PTCHD1: variants seen among roughly 807,000 people sequenced by gnomAD.
The protein encoded by PTCHD1 is patched domain-containing protein 1.
Under a neutral mutation model 34.6 loss-of-function variants are expected in PTCHD1, and 3 were observed. That is an observed-to-expected ratio of 0.09 (90% CI 0.04 to 0.22). The LOEUF (loss-of-function observed/expected upper bound fraction) is 0.22. Among genes scored for constraint, PTCHD1 ranks in the 10% least tolerant of loss-of-function variants. The pLI is 1.00. For synonymous variants in PTCHD1, 305 were observed against 283.1 expected (o/e 1.08, Z -0.77); for missense variants, 504 against 685.5 (o/e 0.74, Z 2.96).
At chrX:23,362,232 T>A (rs1439484470) in intron 1 of PTCHD1, among the ~76,000 whole-genome samples, 1 of 112,355 alleles carries the variant, frequency 8.9e-6, no homozygotes, top group Non-Finnish European at 1.9e-5. Flanking sequence ...CTGGATAATA[T>A]CCTGAAGAGT....
intron 2 of PTCHD1, among the ~76,000 whole-genome samples, chrX:23,381,052 T>A (rs1922551950): frequency 8.9e-6 from 1 of 112,364 alleles, no homozygotes; most frequent in African/African-American, 3.2e-5. Flanking sequence ...AGAGTGGATG[T>A]GAGCATCACA....
At chrX:23,334,510 C>G (rs1456616218), upstream of PTCHD1, 2 of 108,952 alleles carry the variant, frequency 1.8e-5, no homozygotes, top group East Asian at 6.0e-4. Context: ...GCCCCGCCCG[C>G]GCTGAGAGGG....
intron 1 of PTCHD1, among the ~76,000 whole-genome samples, chrX:23,336,937 T>G (rs1210510923): frequency 9.0e-6 from 1 of 111,342 alleles, no homozygotes; most frequent in Non-Finnish European, 1.9e-5. Flanking sequence ...ATTTCTCTTT[T>G]TGTGTTTTTT....
At chrX:23,384,403 C>T (rs1416509373) in intron 2 of PTCHD1, among the ~76,000 whole-genome samples, 1 of 111,729 alleles carries the variant, frequency 9.0e-6, no homozygotes, top group Non-Finnish European at 1.9e-5. Context: ...GATTCAAGGA[C>T]GTGAAAGGAA....
Position 23,395,477 on chromosome X carries a change from T to A in PTCHD1, c.*1292T>A, listed in dbSNP as rs985711838. 1 of 111,653 alleles carries A rather than the reference T, an allele frequency of 9.0e-6. No individual in the cohort carries two copies. The highest frequency in any genetic ancestry group is 3.3e-5 in the African/African-American group (1 of 30,661). The allele number at this position is 111,653 out of a possible 1,213,427, so 9.2% of individuals were successfully genotyped here. Reference sequence around the variant, plus strand: ...TATCAATGATGGCAGTCCAATTCTCTTGCTAAAGTGGCTGCACCTCACCTT... The same window carrying A: ...TATCAATGATGGCAGTCCAATTCTCATGCTAAAGTGGCTGCACCTCACCTT... On this transcript the variant is annotated 3_prime_UTR_variant, in exon 3 of 3. Transcript: ENST00000379361.
Position 23,355,619 on chromosome X carries a change from A to T in PTCHD1, c.351+20393A>T, listed in dbSNP as rs771018092. 4.4e-5 allele frequency among the ~76,000 whole-genome samples: 5 copies of T among 112,637 alleles called. No homozygotes were observed. In the South Asian group the frequency reaches 1.8e-3, roughly 41 times the overall value. ...GCTATGTTCCAGGTTCTTCTATTAC[A>T]TTATGTCTCAGCTTTCTATGAGCTA... On this transcript the variant is annotated intron_variant, in intron 1 of 2. Transcript: ENST00000379361.
chrX:23,381,190 C>T (rs1056779085), intron 2 of PTCHD1, among the ~76,000 whole-genome samples: 22 of 112,272 alleles, frequency 2.0e-4, no homozygotes, highest in Non-Finnish European at 3.4e-4. Context: ...ATGGTGACAG[C>T]GTGCTTCCAG....
At chrX:23,385,669 G>A (rs143506237) in intron 2 of PTCHD1, among the ~76,000 whole-genome samples, 163 of 111,720 alleles carry the variant, frequency 1.5e-3, no homozygotes, top group African/African-American at 5.3e-3. Context: ...AGGAAACCCT[G>A]CATTTCACCA....
chrX:23,363,641 C>T (rs1369100808), intron 1 of PTCHD1, among the ~76,000 whole-genome samples: 2 of 112,894 alleles, frequency 1.8e-5, no homozygotes, highest in African/African-American at 3.2e-5. Flanking sequence ...TGCTTCGGCT[C>T]ACCCTCTGTG....
In PTCHD1 at chrX:23,379,470, T is replaced by C. The variant is rs938697878; in HGVS notation, c.352-121T>C. On this transcript the variant is annotated intron_variant, in intron 1 of 2. Coordinates refer to ENST00000379361, the MANE Select transcript of PTCHD1 (RefSeq NM_173495.3). ...GTTTCACATTCCTACTACCTATTTC[T>C]GATCTAGGTTTATAACATTTGATTT... 6.8e-6 allele frequency: 5 copies of C among 736,876 alleles called. No homozygotes were observed. The African/African-American group carries it at 1.1e-4, about 16-fold the overall frequency. 60.7% of individuals were successfully genotyped at this position (736,876 alleles called of 1,213,427 possible).
intron 1 of PTCHD1, among the ~76,000 whole-genome samples, chrX:23,358,191 A>G (rs1921862914): frequency 8.9e-6 from 1 of 111,865 alleles, no homozygotes; most frequent in South Asian, 3.8e-4. Context: ...AGATCGCTGG[A>G]TCAAAAGGTA....
At chrX:23,363,060 T>A (rs1294093612) in intron 1 of PTCHD1, among the ~76,000 whole-genome samples, 2 of 112,128 alleles carry the variant, frequency 1.8e-5, no homozygotes. Flanking sequence ...GAGGTGTCAG[T>A]CAGCCCCCAC....
chrX:23,334,778 G>GCCGCCGCCGCCGCC (rs1569130225), upstream of PTCHD1: 1 of 246,753 alleles, frequency 4.1e-6, no homozygotes, highest in African/African-American at 3.3e-5. Flanking sequence ...CCGCCGCCGC[G>GCCGCCGCCGCCGCC]GGCGCCGCTG....
chrX:23,337,812 G>T (rs1159895601), intron 1 of PTCHD1, among the ~76,000 whole-genome samples: 4 of 110,655 alleles, frequency 3.6e-5, no homozygotes, highest in African/African-American at 1.3e-4. Context: ...GCTGTGTAGG[G>T]TGTTGCTTCA....
At chrX:23,351,001 G>T in intron 1 of PTCHD1, 9 of 278,544 alleles carry the variant, frequency 3.2e-5, no homozygotes, top group Admixed American at 5.0e-5. Flanking sequence ...ATATTTTCAT[G>T]GGAATCCAGT....
chrX:23,339,272 G>A (rs1921247266), intron 1 of PTCHD1, among the ~76,000 whole-genome samples: 1 of 112,103 alleles, frequency 8.9e-6, no homozygotes, highest in South Asian at 3.7e-4. Flanking sequence ...TTCTTTGTTT[G>A]CAAGATATCA....
intron 1 of PTCHD1, among the ~76,000 whole-genome samples, chrX:23,362,199 C>G: frequency 1.8e-5 from 2 of 111,943 alleles, no homozygotes; most frequent in Non-Finnish European, 3.8e-5. Context: ...GTTGTCCTGC[C>G]TTTCTAGGTT....
At chrX:23,380,413 A>G (rs1035755986) in intron 2 of PTCHD1, 162 bp downstream of exon 2, 8 of 530,963 alleles carry the variant, frequency 1.5e-5, no homozygotes, top group African/African-American at 2.3e-5. Context: ...GTAATCAGCA[A>G]AAAACAACCT....
chrX:23,401,788 C>T lies in PTCHD1; in HGVS notation c.*7603C>T, dbSNP rs1202124000. ...TACCATTGAAAAAATGTTATCTTCC[C>T]CTTCTATATGTTTCTTATGCACGAG... On this transcript the variant is annotated 3_prime_UTR_variant, in exon 3 of 3. Transcript: ENST00000379361. The T allele has an allele frequency of 8.9e-6, 1 of 112,767 alleles. No homozygotes were observed. The highest frequency in any genetic ancestry group is 2.8e-4 in the East Asian group (1 of 3,610). The allele number at this position is 112,767 out of a possible 1,213,427, so 9.3% of individuals were successfully genotyped here.
Sources: gnomAD v4.1 joint callset for allele counts (sites outside exome capture counted in the v4.1 genomes callset) on GRCh38, gnomAD v4.1.1 for gene constraint, MANE v1.5 for transcripts, NCBI Gene and HGNC (gene_info 2026-07-23, HGNC 2026-07-21) for gene names.